SCN10A: variants seen among roughly 807,000 people sequenced by gnomAD.
SCN10A encodes the protein sodium channel protein type 10 subunit alpha.
In SCN10A, 162 loss-of-function variants were observed where a neutral mutation model predicts 170.7. That is an observed-to-expected ratio of 0.95 (90% CI 0.84 to 1.08). The LOEUF is 1.08. Ranked by LOEUF, SCN10A falls within the 50% of genes least tolerant of loss-of-function variation. The pLI, the probability that SCN10A is intolerant of heterozygous loss-of-function variation, is 0.00. For missense variants in SCN10A, 2,527 were observed against 2,436.9 expected, an observed-to-expected ratio of 1.04 and a Z score of -0.78; for synonymous variants, 985 against 904.6, an observed-to-expected ratio of 1.09 and a Z score of -1.59.
intron 4 of SCN10A, among the ~76,000 whole-genome samples, chr3:38,786,635 A>G (rs532196313): frequency 1.6e-4 from 25 of 152,304 alleles, no homozygotes; most frequent in Non-Finnish European, 7.4e-5. Context: ...AATTTAAAAA[A>G]GGGCTTTATA....
chr3:38,730,099 C>A (rs1057001624), intron 15 of SCN10A, among the ~76,000 whole-genome samples: 9 of 152,114 alleles, frequency 5.9e-5, no homozygotes, highest in Non-Finnish European at 1.2e-4. Context: ...AAACGTAGTC[C>A]ATGGCCTGCC....
At chr3:38,789,518 AC>A (rs1339147349) in intron 3 of SCN10A, among the ~76,000 whole-genome samples, 2 of 152,174 alleles carry the variant, frequency 1.3e-5, no homozygotes, top group Non-Finnish European at 2.9e-5. Context: ...AAAGTTAGAA[AC>A]TTGGAGATAA....
chr3:38,705,664 G>T (rs1233579454), intron 26 of SCN10A, among the ~76,000 whole-genome samples: 1 of 152,106 alleles, frequency 6.6e-6, no homozygotes, highest in Admixed American at 6.5e-5. Flanking sequence ...TATGGGGTTG[G>T]GTGATGACAG....
chr3:38,771,159 G>T (rs10212338), intron 5 of SCN10A, 120 bp downstream of exon 5: 2 of 1,086,976 alleles, frequency 1.8e-6, no homozygotes, highest in South Asian at 1.6e-5. Flanking sequence ...TGGAGCAAAC[G>T]TTCATGGTGT....
At chr3:38,791,943 G>C (rs1179805389) in intron 3 of SCN10A, 107 bp downstream of exon 3, 10 of 1,410,820 alleles carry the variant, frequency 7.1e-6, no homozygotes, top group Non-Finnish European at 9.6e-6. Context: ...TGTACTTTTG[G>C]GATTCAATTG....
intron 26 of SCN10A, among the ~76,000 whole-genome samples, chr3:38,702,418 A>C (rs897645617): frequency 2.0e-5 from 3 of 152,200 alleles, no homozygotes; most frequent in Non-Finnish European, 4.4e-5. Flanking sequence ...AGTCTTGAGT[A>C]ATCCATCTCT....
Position 38,789,866 on chromosome 3 carries a change from A to T in SCN10A, c.390-830T>A, listed in dbSNP as rs918243420. Among the ~76,000 whole-genome samples, 4 of 152,248 alleles carry T rather than the reference A, an allele frequency of 2.6e-5. No homozygotes were observed. In the South Asian group the frequency reaches 8.3e-4, roughly 32 times the overall value. ...AAAGGTAAATTGTTCCCACTTGGAC[A>T]TTTTTCTTAGGAATAGCTGGGCTCC... On this transcript the variant is annotated intron_variant, in intron 3 of 27. Transcript: ENST00000449082.
intron 15 of SCN10A, among the ~76,000 whole-genome samples, chr3:38,737,452 C>A (rs994991144): frequency 6.6e-6 from 1 of 152,126 alleles, no homozygotes; most frequent in Non-Finnish European, 1.5e-5. Context: ...TTAATTCTGA[C>A]CTTGTAAGAT....
chr3:38,708,339 C>T (rs572034102), intron 25 of SCN10A, among the ~76,000 whole-genome samples: 4 of 152,262 alleles, frequency 2.6e-5, no homozygotes, highest in African/African-American at 4.8e-5. Flanking sequence ...CATCTCCTTC[C>T]GTTACCTAAT....
intron 4 of SCN10A, among the ~76,000 whole-genome samples, chr3:38,772,253 A>G (rs2064009468): frequency 6.6e-6 from 1 of 152,008 alleles, no homozygotes; most frequent in Non-Finnish European, 1.5e-5. Context: ...TAACATGAAC[A>G]GCCAGCCAAG....
intron 22 of SCN10A, among the ~76,000 whole-genome samples, chr3:38,712,876 T>C (rs2063290964): frequency 6.6e-6 from 1 of 152,204 alleles, no homozygotes; most frequent in Admixed American, 6.5e-5. Context: ...ATTCACAAAA[T>C]AGCTTATTTG....
intron 1 of SCN10A, among the ~76,000 whole-genome samples, chr3:38,810,669 G>A (rs2064435056): frequency 6.6e-6 from 1 of 152,186 alleles, no homozygotes; most frequent in Non-Finnish European, 1.5e-5. Context: ...CCACTAGACT[G>A]TAAGTTCTAT....
At chr3:38,796,133 C>T (rs2064340539) in intron 1 of SCN10A, among the ~76,000 whole-genome samples, 1 of 152,080 alleles carries the variant, frequency 6.6e-6, no homozygotes, top group Admixed American at 6.6e-5. Context: ...TCAGCATGCC[C>T]CAAACTAAAC....
chr3:38,779,691 A>G (rs1368600797), intron 4 of SCN10A, among the ~76,000 whole-genome samples: 3 of 151,950 alleles, frequency 2.0e-5, no homozygotes. Context: ...TGCACTCTCT[A>G]GGTTCTGATT....
chr3:38,786,805 A>AC (rs968741027), intron 4 of SCN10A, among the ~76,000 whole-genome samples: 6 of 152,046 alleles, frequency 3.9e-5, no homozygotes, highest in Admixed American at 6.6e-5. Context: ...CTGGGGTGCC[A>AC]CCTTTTCACA....
In SCN10A at chr3:38,755,776, T is replaced by A. The variant is rs750286697; in HGVS notation, c.1461+12A>T. On this transcript the variant is annotated intron_variant, in intron 11 of 27. Transcript: ENST00000449082. ...GTGGGTAATCTTTAGAGCACAAACC[T>A]GAGCCTCTTACCATCCTGCGCTGGT... is the stretch of plus-strand genomic sequence containing the variant. 3.7e-6 allele frequency: 6 copies of A among 1,612,842 alleles called. No individual in the cohort carries two copies. The East Asian group carries it at 8.9e-5, about 24-fold the overall frequency.
intron 1 of SCN10A, among the ~76,000 whole-genome samples, chr3:38,812,954 G>A (rs975515730): frequency 6.6e-6 from 1 of 152,066 alleles, no homozygotes; most frequent in Admixed American, 6.6e-5. Context: ...GATCACCTGA[G>A]CCCTGGAGGT....
intron 27 of SCN10A, 46 bp from the exon 28 acceptor site, chr3:38,698,608 A>G: frequency 6.4e-7 from 1 of 1,567,404 alleles, no homozygotes; most frequent in Non-Finnish European, 8.7e-7. Context: ...TCCAGCCATG[A>G]GACGTGACAA....
intron 1 of SCN10A, among the ~76,000 whole-genome samples, chr3:38,814,721 C>T (rs986866752): frequency 2.0e-5 from 3 of 152,290 alleles, no homozygotes; most frequent in African/African-American, 7.2e-5. Context: ...TTACTATTAT[C>T]ACTACCATTA....
Sources: gnomAD v4.1 joint callset for allele counts (sites outside exome capture counted in the v4.1 genomes callset) on GRCh38, gnomAD v4.1.1 for gene constraint, MANE v1.5 for transcripts, NCBI Gene and HGNC (gene_info 2026-07-23, HGNC 2026-07-21) for gene names.